CTIF: variants seen among roughly 807,000 people sequenced by gnomAD.
The protein encoded by CTIF is CBP80/20-dependent translation initiation factor.
CTIF carries 21 observed loss-of-function variants against 66.0 expected under a neutral mutation model. That is an observed-to-expected ratio of 0.32 (90% confidence interval 0.23 to 0.46). The LOEUF (loss-of-function observed/expected upper bound fraction) is 0.46, where lower values mean the gene tolerates loss of function less well. Ranked by LOEUF, CTIF falls within the 20% of genes least tolerant of loss-of-function variation. The pLI is 1.00. For synonymous variants in CTIF, 345 were observed against 326.4 expected, an observed-to-expected ratio of 1.06 and a Z score of -0.62; for missense variants, 739 against 812.7, an observed-to-expected ratio of 0.91 and a Z score of 1.10.
intron 2 of CTIF, among the ~76,000 whole-genome samples, chr18:48,620,912 A>C (rs968377387): frequency 6.6e-6 from 1 of 152,164 alleles, no homozygotes; most frequent in Non-Finnish European, 1.5e-5. Context: ...GGAAATGCTG[A>C]AGCCACAGTA....
intron 3 of CTIF, among the ~76,000 whole-genome samples, chr18:48,644,011 T>G (rs532939282): frequency 6.6e-6 from 1 of 152,276 alleles, no homozygotes; most frequent in South Asian, 2.1e-4. Flanking sequence ...AGTTCTTTCT[T>G]TGATTCAGCC....
intron 7 of CTIF, among the ~76,000 whole-genome samples, chr18:48,743,820 C>A (rs1384228): frequency 1 from 152,317 of 152,328 alleles, 76,153 homozygotes; most frequent in Middle Eastern, 1. Flanking sequence ...CCAAGAGAAA[C>A]TATTATGGTG....
At chr18:48,778,745 C>A (rs1489396444) in intron 9 of CTIF, among the ~76,000 whole-genome samples, 2 of 152,120 alleles carry the variant, frequency 1.3e-5, no homozygotes, top group Non-Finnish European at 2.9e-5. Context: ...CATTGAAATG[C>A]CAGCAGCCAG....
At chr18:48,596,469 C>CT (rs201969320) in intron 1 of CTIF, among the ~76,000 whole-genome samples, 6,676 of 151,528 alleles carry the variant, frequency 0.044, 194 homozygotes, top group Non-Finnish European at 0.067. Context: ...CTTTTCTTTT[C>CT]TTTCTTTCTT....
chr18:48,830,758 G>C (rs1245448180), intron 10 of CTIF, among the ~76,000 whole-genome samples: 5 of 102,518 alleles, frequency 4.9e-5, no homozygotes, highest in Admixed American at 2.2e-4. Context: ...GCCCCAGCCT[G>C]TCCCCCCACC....
chr18:48,768,301 G>A (rs1195831623), intron 9 of CTIF, among the ~76,000 whole-genome samples: 3 of 152,150 alleles, frequency 2.0e-5, no homozygotes, highest in Non-Finnish European at 2.9e-5. Flanking sequence ...TGAGTTATCG[G>A]CTGTCCCCAG....
At position 48,858,732 on chromosome 18, in the gene CTIF, G is replaced by A. The variant is rs374355915; in HGVS notation, c.1582-612G>A. Among the ~76,000 whole-genome samples, 8 of 152,230 alleles carry A rather than the reference G, an allele frequency of 5.3e-5. No homozygotes were observed. In the South Asian group the frequency reaches 1.0e-3, roughly 20 times the overall value. On this transcript the variant is annotated intron_variant, in intron 11 of 11. Coordinates refer to ENST00000256413, the MANE Select transcript of CTIF (RefSeq NM_014772.3). ...CAAGATTATCTAGGGCTCTCCTGAC[G>A]GCCTCTGGCTGGCCTTCTTCCCCAG...
At chr18:48,851,632 GACACAC>G (rs2069202219) in intron 10 of CTIF, among the ~76,000 whole-genome samples, 1 of 152,078 alleles carries the variant, frequency 6.6e-6, no homozygotes, top group African/African-American at 2.4e-5. Flanking sequence ...CTAGTCTCAG[GACACAC>G]CAGGGCCCCA....
intron 1 of CTIF, among the ~76,000 whole-genome samples, chr18:48,552,893 G>A (rs1599130704): frequency 6.6e-6 from 1 of 152,192 alleles, no homozygotes; most frequent in Admixed American, 6.5e-5. Context: ...TGCTCTCAGG[G>A]AAGTCACTTC....
intron 1 of CTIF, among the ~76,000 whole-genome samples, chr18:48,603,628 A>AGGATGGAT (rs780856135): frequency 5.0e-5 from 6 of 120,834 alleles, no homozygotes; most frequent in African/African-American, 2.0e-4. Context: ...GATGGATGGA[A>AGGATGGAT]GGATGGATGG....
chr18:48,724,493 C>G (rs918595143), intron 7 of CTIF, among the ~76,000 whole-genome samples: 1 of 152,208 alleles, frequency 6.6e-6, no homozygotes, highest in Non-Finnish European at 1.5e-5. Flanking sequence ...ACCTCAGTCC[C>G]TCTCCCTTGC....
In CTIF at chr18:48,778,246, C is replaced by T. The variant is rs575989682; in HGVS notation, c.1371+16557C>T. Reference sequence around the variant, plus strand: ...AAGGAGCCAGGTAGAAAAATGGGGTCGATTCTATTGTAGTTACTTCCTTAT... The same window carrying T: ...AAGGAGCCAGGTAGAAAAATGGGGTTGATTCTATTGTAGTTACTTCCTTAT... On this transcript the variant is annotated intron_variant, in intron 9 of 11. Transcript: ENST00000256413. Among the ~76,000 whole-genome samples, 6 of 152,056 alleles carry T rather than the reference C, an allele frequency of 3.9e-5. No individual in the cohort carries two copies. In the East Asian group the frequency reaches 9.7e-4, roughly 25 times the overall value.
intron 5 of CTIF, among the ~76,000 whole-genome samples, chr18:48,667,528 TG>T (rs1568118854): frequency 6.6e-6 from 1 of 152,126 alleles, no homozygotes; most frequent in Non-Finnish European, 1.5e-5. Flanking sequence ...AGGTGCCCAA[TG>T]GGGCCTGCAT....
At chr18:48,820,022 C>T (rs2068450090) in intron 10 of CTIF, among the ~76,000 whole-genome samples, 1 of 152,214 alleles carries the variant, frequency 6.6e-6, no homozygotes, top group African/African-American at 2.4e-5. Context: ...AGCTAGTTGT[C>T]ATCTAGGCTG....
intron 7 of CTIF, among the ~76,000 whole-genome samples, chr18:48,712,882 G>A (rs2092242113): frequency 6.6e-6 from 1 of 152,242 alleles, no homozygotes; most frequent in Admixed American, 6.5e-5. Flanking sequence ...GGTGGATTAA[G>A]TGGATCTGAA....
At chr18:48,628,361 T>C (rs2090640133) in intron 2 of CTIF, among the ~76,000 whole-genome samples, 1 of 152,272 alleles carries the variant, frequency 6.6e-6, no homozygotes, top group African/African-American at 2.4e-5. Flanking sequence ...GGATCAAAGA[T>C]TGAGCCTTGA....
chr18:48,761,887 G>T lies in CTIF; in HGVS notation c.1371+198G>T, dbSNP rs550600446. 2.0e-5 allele frequency among the ~76,000 whole-genome samples: 3 copies of T among 152,226 alleles called. No homozygotes were observed. Among genetic ancestry groups the T allele is most frequent in the Non-Finnish European group, 4.4e-5 (3 of 68,036 alleles). On this transcript the variant is annotated intron_variant, in intron 9 of 11. Coordinates refer to ENST00000256413, the MANE Select transcript of CTIF (RefSeq NM_014772.3). The surrounding 1 kb of genome is among the most constrained non-coding windows in gnomAD (Gnocchi z 4.2). Reference sequence around the variant, plus strand: ...GCTGGATTTGTGTGTGTTTATGTGTGGGCTCCCTGGTTACAATGGACCAAT... The same window carrying T: ...GCTGGATTTGTGTGTGTTTATGTGTTGGCTCCCTGGTTACAATGGACCAAT...
At chr18:48,768,273 G>C (rs1288035008) in intron 9 of CTIF, among the ~76,000 whole-genome samples, 3 of 152,164 alleles carry the variant, frequency 2.0e-5, no homozygotes, top group Non-Finnish European at 4.4e-5. Flanking sequence ...TAAACTCCTA[G>C]ATGGCCAGAA....
At chr18:48,646,351 G>A (rs932141890) in intron 3 of CTIF, among the ~76,000 whole-genome samples, 2 of 151,938 alleles carry the variant, frequency 1.3e-5, no homozygotes, top group African/African-American at 2.4e-5. Flanking sequence ...TGACGGAGAC[G>A]CAAATAAAAC....
Sources: allele counts gnomAD v4.1 joint callset (sites outside exome capture counted in the v4.1 genomes callset), GRCh38; gene constraint gnomAD v4.1.1; non-coding constraint Gnocchi (gnomAD v3.1); transcripts MANE v1.5; gene names NCBI Gene and HGNC (gene_info 2026-07-23, HGNC 2026-07-21).